The following ZNF48 variants were observed in gnomAD, a reference collection of about 807,000 sequenced individuals.
ZNF48 encodes zinc finger protein 48.
ZNF48 carries 20 observed loss-of-function variants against 40.0 expected under a neutral mutation model. The ratio of observed to expected loss-of-function variants is 0.50; its 90% confidence interval spans 0.35 to 0.73. ZNF48 has a LOEUF of 0.73. Ranked by LOEUF, ZNF48 falls within the 30% of genes least tolerant of loss-of-function variation. The pLI, the probability that ZNF48 is intolerant of heterozygous loss-of-function variation, is 0.01. For synonymous variants in ZNF48, 298 were observed against 329.7 expected, an observed-to-expected ratio of 0.90 and a Z score of 1.04; for missense variants, 726 against 851.9, an observed-to-expected ratio of 0.85 and a Z score of 1.84.
At chr16:30,383,552 G>A (rs978838269) in intron 1 of ZNF48, among the ~76,000 whole-genome samples, 3 of 152,148 alleles carry the variant, frequency 2.0e-5, no homozygotes, top group Non-Finnish European at 2.9e-5. Context: ...ATTGGGAGTG[G>A]GTGAAGCCAT....
intron 1 of ZNF48, among the ~76,000 whole-genome samples, chr16:30,386,470 C>G (rs566640016): frequency 6.6e-6 from 1 of 151,586 alleles, no homozygotes; most frequent in African/African-American, 2.4e-5. Flanking sequence ...CTCAGGAATT[C>G]GAGACCAGCC....
At chr16:30,395,176 TGGCTGGA>T, upstream of ZNF48, 1 of 444,304 alleles carries the variant, frequency 2.3e-6, no homozygotes, top group Non-Finnish European at 4.5e-6. The surrounding 1 kb of genome is among the most constrained non-coding windows in gnomAD (Gnocchi z 5.9). Flanking sequence ...TCGGCGCGGG[TGGCTGGA>T]GACACACAGC....
chr16:30,380,757 G>A (rs560122928), intron 1 of ZNF48: 8 of 277,172 alleles, frequency 2.9e-5, no homozygotes, highest in South Asian at 1.9e-4. Flanking sequence ...GCCACAGAGT[G>A]AGACTCTATC....
At chr16:30,379,158 G>A in intron 1 of ZNF48, 1 of 1,614,152 alleles carries the variant, frequency 6.2e-7, no homozygotes, top group South Asian at 1.1e-5. Flanking sequence ...GCAGGTTCAG[G>A]AAATCGCAGT....
Position 30,395,589 on chromosome 16 carries a change from C to T in ZNF48, c.-16+11C>T. On this transcript the variant is annotated intron_variant, in intron 1 of 2. Coordinates refer to ENST00000613509, the MANE Select transcript of ZNF48 (RefSeq NM_001214909.2). This position sits in a 1 kb window ranked among gnomAD's most constrained non-coding sequence, Gnocchi z 5.9. ...GAGGCGGCCGGCAAGGTGAGAGCGG[C>T]GGCTGCGCGCTGGGAGGAGCAGCAG... 4.1e-6 allele frequency: 1 copy of T among 244,698 alleles called. No homozygotes were observed. The highest frequency in any genetic ancestry group is 7.3e-6 in the Non-Finnish European group (1 of 137,002). 15.2% of individuals were successfully genotyped at this position (244,698 alleles called of 1,614,324 possible).
chr16:30,386,571 G>A (rs1258942731), intron 1 of ZNF48, among the ~76,000 whole-genome samples: 1 of 152,106 alleles, frequency 6.6e-6, no homozygotes, highest in Non-Finnish European at 1.5e-5. Flanking sequence ...TACTCAGAAG[G>A]CTGAGGTGGG....
At chr16:30,383,366 T>C (rs1278814298) in intron 1 of ZNF48, among the ~76,000 whole-genome samples, 1 of 152,118 alleles carries the variant, frequency 6.6e-6, no homozygotes, top group Non-Finnish European at 1.5e-5. Context: ...TTTTTTTGTG[T>C]TTTTAGTAGA....
In ZNF48 at chr16:30,398,761, AACGGGCCCGGCCACCACC is replaced by A; in HGVS notation, c.1514_1531del (p.Arg505_Pro510del). The A allele has an allele frequency of 6.2e-7, 1 of 1,613,586 alleles. No individual in the cohort carries two copies. The highest frequency in any genetic ancestry group is 8.5e-7 in the Non-Finnish European group (1 of 1,179,960). On this transcript the variant is annotated inframe_deletion, in exon 3 of 3. Transcript: ENST00000613509. This position sits in a 1 kb window ranked among gnomAD's most constrained non-coding sequence, Gnocchi z 6.6. ...AAGCACCTCCGCACCCACCGTGGTGAACGGGCCCGGCCACCACCACCATCCACTCTGCTGCGGCCACAT... is the reference window on the plus strand; with the variant it reads ...AAGCACCTCCGCACCCACCGTGGTGAACCATCCACTCTGCTGCGGCCACAT...
At position 30,397,191 on chromosome 16, in the gene ZNF48, T is replaced by C. The variant is rs2049992695; in HGVS notation, c.80-139T>C. 1.4e-6 allele frequency: 1 copy of C among 735,134 alleles called. No homozygotes were observed. The highest frequency in any genetic ancestry group is 2.2e-6 in the Non-Finnish European group (1 of 447,600). 45.5% of individuals were successfully genotyped at this position (735,134 alleles called of 1,614,324 possible). The stretch of plus-strand genomic sequence containing the variant: ...TTTATTGAGAGGCACAGATAGTAAG[T>C]GCACCAGAGGTTGAGAGGACAGAGA... On this transcript the variant is annotated intron_variant, in intron 2 of 2. Transcript: ENST00000613509. The surrounding 1 kb of genome is among the most constrained non-coding windows in gnomAD (Gnocchi z 4.1).
At chr16:30,389,402 A>G (rs2049925430) in intron 1 of ZNF48, among the ~76,000 whole-genome samples, 1 of 149,690 alleles carries the variant, frequency 6.7e-6, no homozygotes, top group Admixed American at 6.7e-5. Flanking sequence ...AAAAAAAAAA[A>G]AAAATAATAA....
Position 30,382,561 on chromosome 16 carries a change from T to C in ZNF48, c.-16+4151T>C. 4 of 1,585,806 alleles carry C rather than the reference T, an allele frequency of 2.5e-6. No homozygotes were observed. The South Asian group carries it at 4.6e-5, about 18-fold the overall frequency. On this transcript the variant is annotated intron_variant, in intron 1 of 2. Coordinates refer to the ZNF48 transcript ENST00000528032. This position sits in a 1 kb window ranked among gnomAD's most constrained non-coding sequence, Gnocchi z 4.8. The stretch of plus-strand genomic sequence containing the variant: ...CAGCCATCACTGCACCTGCCGTCTC[T>C]CCCCACTTCCTCTGGTGGGGCAGGA...
chr16:30,385,041 TG>T (rs1227829488), intron 1 of ZNF48, among the ~76,000 whole-genome samples: 1 of 151,982 alleles, frequency 6.6e-6, no homozygotes, highest in East Asian at 1.9e-4. Context: ...CAGGGCGTGA[TG>T]GCGCATGCCT....
chr16:30,378,675 CTG>C, intron 1 of ZNF48: 1 of 1,609,128 alleles, frequency 6.2e-7, no homozygotes, highest in Non-Finnish European at 8.5e-7. Context: ...AGCGGGATCT[CTG>C]TGGCGCTCTG....
chr16:30,388,093 A>C (rs2049915276), intron 1 of ZNF48, among the ~76,000 whole-genome samples: 1 of 151,768 alleles, frequency 6.6e-6, no homozygotes, highest in Non-Finnish European at 1.5e-5. Context: ...CAGCCTCCCA[A>C]GTAGCTGGGA....
At position 30,381,277 on chromosome 16, in the gene ZNF48, A is replaced by G. The variant is rs1555499577; in HGVS notation, c.-16+2867A>G. 3.1e-6 allele frequency: 5 copies of G among 1,610,896 alleles called. No homozygotes were observed. In the South Asian group the frequency reaches 5.5e-5, roughly 18 times the overall value. ...CAGGGATTGGTCATTGCCCAGCCTC[A>G]GGGGGCAGAGACCCCCCAGCCCTCC... On this transcript the variant is annotated intron_variant, in intron 1 of 2. Coordinates refer to the ZNF48 transcript ENST00000528032. This position sits in a 1 kb window ranked among gnomAD's most constrained non-coding sequence, Gnocchi z 4.3.
intron 1 of ZNF48, among the ~76,000 whole-genome samples, chr16:30,386,947 T>TC (rs1290312199): frequency 6.9e-6 from 1 of 145,664 alleles, no homozygotes; most frequent in African/African-American, 2.5e-5. Flanking sequence ...GCCTTTTTTT[T>TC]TTTTTTTTTT....
In ZNF48 at chr16:30,397,768, C is replaced by A. The variant is rs148541483; in HGVS notation, c.518C>A (p.Pro173Gln). 5.1e-5 allele frequency: 82 copies of A among 1,613,774 alleles called. No individual in the cohort carries two copies. In the African/African-American group the frequency reaches 9.3e-4, roughly 18 times the overall value. The stretch of plus-strand genomic sequence containing the variant: ...GAGAAGCCCTATAGAGCCCGGCCAC[C>A]AGCCCAGGGTCCCCCAAAGATTCCT... Reference protein sequence around the residue: ...SGEKPYRARPPAQGPPKIPRS... With the variant: ...SGEKPYRARPQAQGPPKIPRS... Residue 173 changes from proline to glutamine, a missense_variant, in exon 3 of 3, where the codon CCA (proline) becomes CAA (glutamine). Physicochemically the swap from Pro to Gln is moderately conservative, Grantham distance 76. Coordinates refer to ENST00000613509, the MANE Select transcript of ZNF48 (RefSeq NM_001214909.2). The surrounding 1 kb of genome is among the most constrained non-coding windows in gnomAD (Gnocchi z 4.1).
chr16:30,386,653 CA>C (rs1370268487), intron 1 of ZNF48, among the ~76,000 whole-genome samples: 1 of 151,986 alleles, frequency 6.6e-6, no homozygotes, highest in African/African-American at 2.4e-5. Flanking sequence ...GTGATATCAC[CA>C]TTTTTTTTTT....
At chr16:30,391,477 T>G (rs1239603437), upstream of ZNF48, among the ~76,000 whole-genome samples, 3 of 151,836 alleles carry the variant, frequency 2.0e-5, no homozygotes, top group Admixed American at 2.0e-4. Flanking sequence ...CGTGAGCCAC[T>G]GCTCCTGGCA....
Sources: allele counts gnomAD v4.1 joint callset (sites outside exome capture counted in the v4.1 genomes callset), GRCh38; gene constraint gnomAD v4.1.1; non-coding constraint Gnocchi (gnomAD v3.1); transcripts MANE v1.5; gene names NCBI Gene and HGNC (gene_info 2026-07-23, HGNC 2026-07-21).